CALN1: variants seen among roughly 807,000 people sequenced by gnomAD.
CALN1 encodes the protein calcium-binding protein 8.
Under a neutral mutation model 30.6 loss-of-function variants are expected in CALN1, and 17 were observed. The observed-to-expected ratio is 0.56, with a 90% confidence interval of 0.38 to 0.83. CALN1 has a LOEUF of 0.83. CALN1 is among the 40% of genes least tolerant of loss of function. The pLI, the probability that CALN1 is intolerant of heterozygous loss-of-function variation, is 0.00. For synonymous variants in CALN1, 156 were observed against 131.4 expected, an observed-to-expected ratio of 1.19 and a Z score of -1.28; for missense variants, 291 against 354.9, an observed-to-expected ratio of 0.82 and a Z score of 1.45.
At chr7:72,065,317 A>G (rs1001236989) in intron 4 of CALN1, among the ~76,000 whole-genome samples, 1 of 152,028 alleles carries the variant, frequency 6.6e-6, no homozygotes, top group Non-Finnish European at 1.5e-5. Flanking sequence ...TGCAAGTTTT[A>G]GTAGCCACAT....
chr7:72,031,374 TGCTATGTGCCAGGCACTGA>T (rs1158067778), intron 4 of CALN1, among the ~76,000 whole-genome samples: 2 of 152,198 alleles, frequency 1.3e-5, no homozygotes, highest in Non-Finnish European at 2.9e-5. Context: ...ATTTAACACT[TGCTATGTGCCAGGCACTGA>T]GCTCAGGGCT....
chr7:72,065,686 G>A (rs1012776060), intron 4 of CALN1, among the ~76,000 whole-genome samples: 6 of 152,118 alleles, frequency 3.9e-5, no homozygotes, highest in African/African-American at 1.4e-4. Flanking sequence ...GAAGTCAGGA[G>A]TTCAAGACCA....
At position 72,162,075 on chromosome 7, in the gene CALN1, T is replaced by C. The variant is rs75596737; in HGVS notation, c.245-55781A>G. On this transcript the variant is annotated intron_variant, in intron 3 of 6. Transcript: ENST00000395275. The stretch of plus-strand genomic sequence containing the variant: ...TCTAGAAGTTTTCAACAACATTCTA[T>C]AAGACAGAGACAAACTTAGAATAGA... Among the ~76,000 whole-genome samples, 899 of 151,654 alleles carry C rather than the reference T, an allele frequency of 5.9e-3. 10 individuals are homozygous for C. Among genetic ancestry groups the C allele is most frequent in the African/African-American group, 0.02 (842 of 41,402 alleles).
chr7:72,032,710 C>A (rs1199852618), intron 4 of CALN1, among the ~76,000 whole-genome samples: 1 of 152,186 alleles, frequency 6.6e-6, no homozygotes, highest in African/African-American at 2.4e-5. Context: ...AAAACAGATG[C>A]TCCTTAAATC....
At chr7:71,953,007 A>G (rs1214876412) in intron 5 of CALN1, among the ~76,000 whole-genome samples, 2 of 152,152 alleles carry the variant, frequency 1.3e-5, no homozygotes, top group African/African-American at 4.8e-5. Context: ...TCCAGTTTAG[A>G]GTGCAGTGGT....
At chr7:72,213,538 T>C (rs565398928) in intron 3 of CALN1, among the ~76,000 whole-genome samples, 11 of 152,270 alleles carry the variant, frequency 7.2e-5, no homozygotes, top group Non-Finnish European at 1.5e-4. Flanking sequence ...CGCATTGCTG[T>C]AGATTTTATG....
chr7:71,929,978 A>G (rs1795464001), intron 5 of CALN1, among the ~76,000 whole-genome samples: 1 of 152,210 alleles, frequency 6.6e-6, no homozygotes, highest in Non-Finnish European at 1.5e-5. Flanking sequence ...TCTTATATAA[A>G]ATGATGTCGT....
At chr7:72,448,675 G>A (rs111969980), upstream of CALN1, among the ~76,000 whole-genome samples, 2,723 of 151,616 alleles carry the variant, frequency 0.018, 82 homozygotes, top group African/African-American at 0.062. Context: ...GCGTGGTCTC[G>A]GCTCACTGCA....
At chr7:72,041,009 A>G (rs1270367939) in intron 4 of CALN1, among the ~76,000 whole-genome samples, 3 of 152,216 alleles carry the variant, frequency 2.0e-5, no homozygotes, top group Non-Finnish European at 2.9e-5. Flanking sequence ...ATGCCATCTT[A>G]GCTTGAGGGT....
intron 3 of CALN1, among the ~76,000 whole-genome samples, chr7:72,254,939 T>G (rs1795813024): frequency 6.6e-6 from 1 of 151,780 alleles, no homozygotes; most frequent in African/African-American, 2.4e-5. Flanking sequence ...GCTAATTATG[T>G]TTTATTTATT....
At chr7:72,170,365 G>C (rs1421957850) in intron 3 of CALN1, among the ~76,000 whole-genome samples, 1 of 152,130 alleles carries the variant, frequency 6.6e-6, no homozygotes, top group African/African-American at 2.4e-5. Context: ...ACTTTAGAAA[G>C]CATTTCCTAT....
intron 4 of CALN1, among the ~76,000 whole-genome samples, chr7:72,051,588 A>C (rs1802841433): frequency 6.6e-6 from 1 of 152,216 alleles, no homozygotes; most frequent in Admixed American, 6.5e-5. Context: ...GGAAAAGCTA[A>C]TATAACTCTC....
the CALN1 span, among the ~76,000 whole-genome samples, chr7:72,466,736 C>T: frequency 7.4e-6 from 1 of 135,872 alleles, no homozygotes; most frequent in Non-Finnish European, 1.5e-5. Context: ...GAGTGAGACT[C>T]GGGAAAGAAA....
At chr7:72,325,804 A>AT (rs1177778628) in intron 2 of CALN1, among the ~76,000 whole-genome samples, 1 of 152,130 alleles carries the variant, frequency 6.6e-6, no homozygotes, top group African/African-American at 2.4e-5. Context: ...AAGGGAACGG[A>AT]TTGATGGCAA....
chr7:72,305,662 G>A (rs1001319778), intron 2 of CALN1, among the ~76,000 whole-genome samples: 2 of 152,182 alleles, frequency 1.3e-5, no homozygotes, highest in Admixed American at 6.5e-5. Context: ...ATTGATTGTT[G>A]AGAGTTCTCT....
At chr7:72,349,138 T>A in intron 2 of CALN1, among the ~76,000 whole-genome samples, 1 of 151,914 alleles carries the variant, frequency 6.6e-6, no homozygotes, top group Non-Finnish European at 1.5e-5. Flanking sequence ...TTTGAAAAAA[T>A]AGAAACTGAA....
At chr7:71,847,757 AAAG>A (rs1229093604) in intron 5 of CALN1, among the ~76,000 whole-genome samples, 14 of 125,100 alleles carry the variant, frequency 1.1e-4, no homozygotes, top group South Asian at 3.1e-4. Context: ...AAGAAAGAAG[AAAG>A]AAGAAGAAGA....
intron 6 of CALN1, among the ~76,000 whole-genome samples, chr7:71,800,388 T>G (rs907088131): frequency 2.0e-5 from 3 of 152,154 alleles, no homozygotes; most frequent in Non-Finnish European, 2.9e-5. Flanking sequence ...GGCACTTGTT[T>G]CTTTTGTCCC....
chr7:71,807,399 T>C (rs1260139775), intron 6 of CALN1, among the ~76,000 whole-genome samples: 2 of 152,128 alleles, frequency 1.3e-5, no homozygotes, highest in African/African-American at 4.8e-5. Context: ...GAAAGGCCTG[T>C]GAGCATTAAA....
Sources: allele counts gnomAD v4.1 joint callset (sites outside exome capture counted in the v4.1 genomes callset), GRCh38; gene constraint gnomAD v4.1.1; transcripts MANE v1.5; gene names NCBI Gene and HGNC (gene_info 2026-07-23, HGNC 2026-07-21).